APOOL: variants seen among roughly 807,000 people sequenced by gnomAD.
APOOL encodes the protein apolipoprotein O like.
In APOOL, 12 loss-of-function variants were observed where a neutral mutation model predicts 23.1. The observed-to-expected ratio is 0.52, with a 90% confidence interval of 0.33 to 0.84. The LOEUF (loss-of-function observed/expected upper bound fraction) is 0.84, where lower values mean the gene tolerates loss of function less well. APOOL is among the 40% of genes least tolerant of loss of function. APOOL has a pLI of 0.02. For missense variants in APOOL, 212 were observed against 199.6 expected (o/e 1.06, Z -0.37); for synonymous variants, 77 against 69.9 (o/e 1.10, Z -0.51).
chrX:85,086,734 G>C lies in APOOL; in HGVS notation c.719-856G>C, dbSNP rs1246478401. Among the ~76,000 whole-genome samples the C allele has an allele frequency of 9.2e-5, 9 of 98,090 alleles. No homozygotes were observed. In the East Asian group the frequency reaches 9.7e-4, roughly 11 times the overall value. 85.2% of individuals were successfully genotyped at this position (98,090 alleles called of 115,157 possible). A position where few individuals can be genotyped will look rare whatever the true frequency, so the allele number is the denominator to read the frequency against. ...TTTTTTTTTGAGACGGAGTCTCGCT[G>C]TGTCTCCCAGGTTGGAGTGCAGTGG... On this transcript the variant is annotated intron_variant, in intron 8 of 8. Coordinates refer to ENST00000373173, the MANE Select transcript of APOOL (RefSeq NM_198450.6).
chrX:85,064,558 G>T (rs1176380852), intron 5 of APOOL, among the ~76,000 whole-genome samples: 1 of 110,288 alleles, frequency 9.1e-6, no homozygotes, highest in African/African-American at 3.3e-5. Context: ...TAGCTGTGTC[G>T]CAGAGATTCT....
At chrX:85,071,968 T>TATGGTGGCGTGCGC (rs1298464393) in intron 6 of APOOL, among the ~76,000 whole-genome samples, 1 of 110,489 alleles carries the variant, frequency 9.1e-6, no homozygotes, top group Admixed American at 9.7e-5. Flanking sequence ...GTGGCGTGGG[T>TATGGTGGCGTGCGC]ATGGTGGCGT....
chrX:85,045,086 C>T (rs2042322772), intron 1 of APOOL, among the ~76,000 whole-genome samples: 1 of 111,482 alleles, frequency 9.0e-6, no homozygotes, highest in Non-Finnish European at 1.9e-5. Context: ...TTTTAATATA[C>T]ATTTAAATTA....
rs753283300 is a variant in APOOL, at chrX:85,064,767, C to T, written c.395-2360C>T. Among the ~76,000 whole-genome samples, 14 of 111,757 alleles carry T rather than the reference C, an allele frequency of 1.3e-4. 1 individual carries two copies. The South Asian group carries it at 5.2e-3, about 41-fold the overall frequency. On this transcript the variant is annotated intron_variant, in intron 5 of 8. Transcript: ENST00000373173. ...GACTATTATGATTTCAGTTTTTTTA[C>T]ATTTGCTGAGGAGTGTTTTCCTTCC...
intron 1 of APOOL, among the ~76,000 whole-genome samples, chrX:85,010,535 A>T (rs1237720445): frequency 9.0e-6 from 1 of 111,175 alleles, no homozygotes; most frequent in African/African-American, 3.3e-5. Flanking sequence ...AAAGTGCATT[A>T]TCTTAATTTT....
At chrX:85,043,748 TA>T in intron 1 of APOOL, among the ~76,000 whole-genome samples, 1 of 111,522 alleles carries the variant, frequency 9.0e-6, no homozygotes, top group Middle Eastern at 4.6e-3. Flanking sequence ...AGGTAATAAA[TA>T]TGTTGGATAG....
chrX:85,054,362 A>G lies in APOOL; in HGVS notation c.259A>G (p.Lys87Glu). The G allele has an allele frequency of 8.4e-7, 1 of 1,190,364 alleles. No homozygotes were observed. The highest frequency in any genetic ancestry group is 1.1e-6 in the Non-Finnish European group (1 of 884,284). Reference sequence around the variant, plus strand: ...TGCTTAGGGTGTTTATGTCTTTGTGAAAAATGGGATAATGGATACAGTACA... The same window carrying G: ...TGCTTAGGGTGTTTATGTCTTTGTGGAAAATGGGATAATGGATACAGTACA... ...GWCKGVYVFVKNGIMDTVQFG... is the reference protein window; with the variant it reads ...GWCKGVYVFVENGIMDTVQFG... The change falls in exon 4 of 9, where the codon AAA becomes GAA. Residue 87 changes from lysine (K) to glutamate (E), a missense_variant. Physicochemically the swap from Lys to Glu is moderately conservative, Grantham distance 56. Transcript: ENST00000373173.
Position 85,091,804 on chromosome X carries a change from G to GA in APOOL, c.*4128dup, listed in dbSNP as rs1924523710. The GA allele has an allele frequency of 2.7e-5, 3 of 111,637 alleles. 1 individual carries two copies. The Admixed American group carries it at 2.9e-4, about 11-fold the overall frequency. 9.2% of individuals were successfully genotyped at this position (111,637 alleles called of 1,213,427 possible). On this transcript the variant is annotated 3_prime_UTR_variant, in exon 9 of 9. Transcript: ENST00000373173. ...TAGTTTTTCATAAGTAAGCTCTTCA[G>GA]AATTTATCTCCAGTATTTGAAATGA...
chrX:85,074,203 A>C, intron 7 of APOOL, 71 bp from the exon 8 acceptor site: 1 of 1,178,985 alleles, frequency 8.5e-7, no homozygotes, highest in Non-Finnish European at 1.1e-6. Context: ...GGTCGAGGAT[A>C]AAATGAGAAA....
chrX:85,059,285 C>T lies in APOOL; in HGVS notation c.394+3360C>T, dbSNP rs762391422. On this transcript the variant is annotated intron_variant, in intron 5 of 8. Coordinates refer to ENST00000373173, the MANE Select transcript of APOOL (RefSeq NM_198450.6). ...CTTAATCCAGTCTATCGTTGTTGGA[C>T]ATTTAGGTTGGTTCCAAGTCTTTGC... is the stretch of plus-strand genomic sequence containing the variant. Among the ~76,000 whole-genome samples the T allele has an allele frequency of 6.4e-3, 704 of 109,927 alleles. 6 individuals are homozygous for T. Among genetic ancestry groups the T allele is most frequent in the African/African-American group, 0.023 (679 of 30,152 alleles).
chrX:85,043,639 T>C lies in APOOL; in HGVS notation c.16-2807T>C, dbSNP rs770059408. On this transcript the variant is annotated intron_variant, in intron 1 of 8. Transcript: ENST00000373173. ...CATTAGCTTTCCCTCTTTAAGATAGTGACATGTACTTCACCAGTATAACTT... is the reference window on the plus strand; with the variant it reads ...CATTAGCTTTCCCTCTTTAAGATAGCGACATGTACTTCACCAGTATAACTT... Among the ~76,000 whole-genome samples, 3 of 111,929 alleles carry C rather than the reference T, an allele frequency of 2.7e-5. No homozygotes were observed. The South Asian group carries it at 1.1e-3, about 42-fold the overall frequency.
intron 1 of APOOL, among the ~76,000 whole-genome samples, chrX:85,034,256 CTTTTA>C (rs1254151784): frequency 1.8e-5 from 2 of 110,882 alleles, no homozygotes; most frequent in South Asian, 3.8e-4. Flanking sequence ...TTTTTCTCCT[CTTTTA>C]TTTTAGAATC....
intron 8 of APOOL, among the ~76,000 whole-genome samples, chrX:85,081,188 C>T (rs1321836476): frequency 1.8e-5 from 2 of 111,633 alleles, no homozygotes; most frequent in Admixed American, 9.6e-5. Context: ...TTCCTAGCAT[C>T]GATGGTCTTT....
chrX:85,064,772 G>T (rs1301354233), intron 5 of APOOL, among the ~76,000 whole-genome samples: 2 of 111,636 alleles, frequency 1.8e-5, no homozygotes, highest in South Asian at 3.7e-4. Flanking sequence ...TTTTACATTT[G>T]CTGAGGAGTG....
At chrX:85,005,629 A>G (rs1055076261) in intron 1 of APOOL, among the ~76,000 whole-genome samples, 1 of 111,420 alleles carries the variant, frequency 9.0e-6, no homozygotes, top group African/African-American at 3.3e-5. Flanking sequence ...TATCCGTAGT[A>G]CCTAGCACAG....
In APOOL at chrX:85,088,165, T is replaced by A. The variant is rs796607912; in HGVS notation, c.*487T>A. On this transcript the variant is annotated 3_prime_UTR_variant, in exon 9 of 9. Transcript: ENST00000373173. ...ATATATGTATAAATACATACATATT[T>A]ATACATATATGTATAAATACATACA... The A allele has an allele frequency of 0.015, 235 of 15,849 alleles. 18 individuals carry two copies. Among genetic ancestry groups the A allele is most frequent in the African/African-American group, 0.039 (214 of 5,472 alleles). The allele number at this position is 15,849 out of a possible 1,213,427, so 1.3% of individuals were successfully genotyped here. A position where few individuals can be genotyped will look rare whatever the true frequency, so the allele number is the denominator to read the frequency against.
At chrX:85,012,850 G>A (rs773642197) in intron 1 of APOOL, among the ~76,000 whole-genome samples, 1 of 111,222 alleles carries the variant, frequency 9.0e-6, no homozygotes, top group East Asian at 2.8e-4. Context: ...GGGTAATACT[G>A]GCTTCATAGA....
At chrX:85,075,114 C>A (rs754903047) in intron 8 of APOOL, among the ~76,000 whole-genome samples, 1 of 110,425 alleles carries the variant, frequency 9.1e-6, no homozygotes, top group African/African-American at 3.3e-5. Context: ...AATTATAAAA[C>A]CCGCTAAGTT....
intron 1 of APOOL, among the ~76,000 whole-genome samples, chrX:85,023,956 T>C (rs1390947626): frequency 8.9e-6 from 1 of 112,201 alleles, no homozygotes; most frequent in East Asian, 2.8e-4. Context: ...CCCAGGCTTC[T>C]TGTTGTTGTT....
Sources: allele counts gnomAD v4.1 joint callset (sites outside exome capture counted in the v4.1 genomes callset), GRCh38; gene constraint gnomAD v4.1.1; transcripts MANE v1.5; gene names NCBI Gene and HGNC (gene_info 2026-07-23, HGNC 2026-07-21).